The following MTRFR variants were observed in gnomAD, a reference collection of about 807,000 sequenced individuals.
MTRFR encodes mitochondrial translation release factor in rescue, also known as probable peptide chain release factor C12orf65, mitochondrial.
In MTRFR, 10 loss-of-function variants were observed where a neutral mutation model predicts 11.9. That is an observed-to-expected ratio of 0.84 (90% CI 0.52 to 1.42). The LOEUF is 1.42. Among genes scored for constraint, MTRFR ranks in the 40% most tolerant of loss-of-function variants. The pLI, the probability that MTRFR is intolerant of heterozygous loss-of-function variation, is 0.00. For missense variants in MTRFR, 196 were observed against 197.9 expected (o/e 0.99, Z 0.06); for synonymous variants, 77 against 79.1 (o/e 0.97, Z 0.14).
chr12:123,239,301 A>G (rs561963694), intron 1 of MTRFR, among the ~76,000 whole-genome samples: 1 of 152,206 alleles, frequency 6.6e-6, no homozygotes, highest in Non-Finnish European at 1.5e-5. Context: ...TGTGGAAATA[A>G]TAGTTTTGAT....
In MTRFR at chr12:123,249,603, G is replaced by A. The variant is rs558588069; in HGVS notation, c.-28-4044G>A. ...CTGCCTGGGGCCGGCGGCACCAGCC[G>A]GCCACTCCTAGGTCGGGGCCCGCCA... On this transcript the variant is annotated intron_variant, in intron 1 of 2. Transcript: ENST00000253233. The A allele has an allele frequency of 4.1e-3, 631 of 153,584 alleles. 5 individuals are homozygous for A. Among genetic ancestry groups the A allele is most frequent in the African/African-American group, 0.015 (611 of 41,584 alleles). The allele number at this position is 153,584 out of a possible 1,614,324, so 9.5% of individuals were successfully genotyped here.
intron 1 of MTRFR, chr12:123,248,628 T>G (rs1182704595): frequency 6.6e-6 from 1 of 152,230 alleles, no homozygotes; most frequent in Non-Finnish European, 1.5e-5. Flanking sequence ...GTGTTGCAGC[T>G]CTTAAAGGCA....
At chr12:123,235,060 CTGGGTTTG>C (rs2047822072) in intron 1 of MTRFR, among the ~76,000 whole-genome samples, 1 of 152,204 alleles carries the variant, frequency 6.6e-6, no homozygotes, top group Non-Finnish European at 1.5e-5. Context: ...AGTTCCCAGA[CTGGGTTTG>C]TGTCATAAGA....
At chr12:123,253,107 T>TTTTTTG (rs766114484) in intron 1 of MTRFR, among the ~76,000 whole-genome samples, 1,446 of 63,340 alleles carry the variant, frequency 0.023, 488 homozygotes, top group Non-Finnish European at 0.038. Flanking sequence ...TTTTTTTTTT[T>TTTTTTG]GAGACACTGT....
intron 1 of MTRFR, among the ~76,000 whole-genome samples, chr12:123,253,070 A>ATTTTT (rs71085872): frequency 2.9e-5 from 1 of 34,844 alleles, no homozygotes; most frequent in African/African-American, 1.1e-4. Context: ...GTTCCTTTGA[A>ATTTTT]TTTTTTTTTT....
chr12:123,245,130 G>C (rs1283242058), intron 1 of MTRFR, among the ~76,000 whole-genome samples: 3 of 150,906 alleles, frequency 2.0e-5, no homozygotes, highest in Admixed American at 6.6e-5. Flanking sequence ...TTGTATTTTT[G>C]GTAGAGACGG....
chr12:123,256,857 G>GA lies in MTRFR; in HGVS notation c.331dup (p.Ile111AsnfsTer13). 1 of 1,613,858 alleles carries GA rather than the reference G, an allele frequency of 6.2e-7. No individual in the cohort carries two copies. Among genetic ancestry groups the GA allele is most frequent in the Non-Finnish European group, 8.5e-7 (1 of 1,179,886 alleles). On this transcript the variant is annotated frameshift_variant, in exon 3 of 3. Transcript: ENST00000253233. LOFTEE classifies it high-confidence loss of function. ...TTGATCAGAACAGAAAGCTAGCTCG[G>GA]AAAATCCTACAAGAGAAAGTAGATG...
Position 123,244,929 on chromosome 12 carries a change from C to CCTTTTT in MTRFR, c.-28-8718_-28-8717insCTTTTT, listed in dbSNP as rs1170457743. ...TACAGGTATGAGCCACCGCACCCGG[C>CCTTTTT]ATTTTTTTTTTTTTTTTTTTTTTTT... On this transcript the variant is annotated intron_variant, in intron 1 of 2. Coordinates refer to ENST00000253233, the MANE Select transcript of MTRFR (RefSeq NM_152269.5). 3.4e-4 allele frequency among the ~76,000 whole-genome samples: 22 copies of CCTTTTT among 64,300 alleles called. 1 individual carries two copies. In the South Asian group the frequency reaches 0.01, roughly 29 times the overall value. The allele number at this position is 64,300 out of a possible 152,430, so 42.2% of individuals were successfully genotyped here.
At position 123,257,595 on chromosome 12, in the gene MTRFR, G is replaced by A. The variant is rs997499850; in HGVS notation, c.*564G>A. 3 of 155,172 alleles carry A rather than the reference G, an allele frequency of 1.9e-5. No individual in the cohort carries two copies. Among genetic ancestry groups the A allele is most frequent in the Middle Eastern group, 3.1e-3 (1 of 320 alleles). The allele number at this position is 155,172 out of a possible 1,614,324, so 9.6% of individuals were successfully genotyped here. A position where few individuals can be genotyped will look rare whatever the true frequency, so the allele number is the denominator to read the frequency against. On this transcript the variant is annotated 3_prime_UTR_variant, in exon 3 of 3. Transcript: ENST00000253233. ...TAATCCCAGCACCTTGGGAGGCTAA[G>A]ACAGGAAGATCACCTGAGCCCAGGA...
intron 1 of MTRFR, among the ~76,000 whole-genome samples, chr12:123,246,020 G>A (rs2138773027): frequency 1.3e-5 from 2 of 152,204 alleles, no homozygotes; most frequent in Middle Eastern, 3.4e-3. Context: ...TCCCCATTGA[G>A]TATTATGTTG....
intron 1 of MTRFR, chr12:123,252,459 G>A (rs1036794968): frequency 6.6e-6 from 1 of 151,064 alleles, no homozygotes; most frequent in South Asian, 2.1e-4. Context: ...TAGTTGACTT[G>A]GTAGTTCCAA....
rs1046226271 is a variant in MTRFR at position 123,252,413 on chromosome 12, C to T, written c.-28-1234C>T. The stretch of plus-strand genomic sequence containing the variant: ...CGCCACTGCAGTCCAGCCTGGGCGA[C>T]AGAGTGGGACTCTGTCTCAAAAAAA... On this transcript the variant is annotated intron_variant, in intron 1 of 2. Transcript: ENST00000253233. 4.2e-5 allele frequency: 6 copies of T among 143,512 alleles called. No individual in the cohort carries two copies. The Admixed American group carries it at 4.4e-4, about 10-fold the overall frequency. The allele number at this position is 143,512 out of a possible 1,614,324, so 8.9% of individuals were successfully genotyped here.
chr12:123,242,110 T>C (rs891201241), intron 1 of MTRFR, among the ~76,000 whole-genome samples: 4 of 152,230 alleles, frequency 2.6e-5, no homozygotes, highest in Non-Finnish European at 5.9e-5. Flanking sequence ...CTTGCACAAA[T>C]TAATGTTCCC....
chr12:123,250,683 T>G (rs2048101228), intron 1 of MTRFR: 1 of 152,234 alleles, frequency 6.6e-6, no homozygotes, highest in African/African-American at 2.4e-5. Context: ...CTGGAGGTTA[T>G]CTGCAGAGTC....
chr12:123,236,603 A>T (rs2047854542), intron 1 of MTRFR, among the ~76,000 whole-genome samples: 1 of 152,068 alleles, frequency 6.6e-6, no homozygotes, highest in African/African-American at 2.4e-5. Context: ...AAAAAAAAAA[A>T]AAAGAAGAAG....
chr12:123,243,031 G>A (rs548762346), intron 1 of MTRFR, among the ~76,000 whole-genome samples: 3 of 152,298 alleles, frequency 2.0e-5, no homozygotes, highest in South Asian at 4.1e-4. Context: ...TCAATCTTTC[G>A]TAGGTAAGGT....
At chr12:123,239,104 A>G (rs2047892367) in intron 1 of MTRFR, among the ~76,000 whole-genome samples, 1 of 152,190 alleles carries the variant, frequency 6.6e-6, no homozygotes, top group Non-Finnish European at 1.5e-5. Context: ...CCCCGTCTCT[A>G]CAAAAAATCC....
intron 1 of MTRFR, among the ~76,000 whole-genome samples, chr12:123,243,621 C>T (rs1313960230): frequency 1.3e-5 from 2 of 152,046 alleles, no homozygotes; most frequent in East Asian, 1.9e-4. Flanking sequence ...AGGAGAATCA[C>T]TTGAACCCAG....
intron 1 of MTRFR, among the ~76,000 whole-genome samples, chr12:123,241,786 G>C (rs912086900): frequency 6.6e-6 from 1 of 152,232 alleles, no homozygotes; most frequent in Non-Finnish European, 1.5e-5. Context: ...CCTTGTTGCA[G>C]AGTTGAACAT....
Sources: allele counts gnomAD v4.1 joint callset (sites outside exome capture counted in the v4.1 genomes callset), GRCh38; gene constraint gnomAD v4.1.1; transcripts MANE v1.5; gene names NCBI Gene and HGNC (gene_info 2026-07-23, HGNC 2026-07-21).